Variants in PCNX2 observed in about 807,000 individuals in gnomAD.
PCNX2 encodes the protein pecanex-like protein 2.
Under a neutral mutation model 223.8 loss-of-function variants are expected in PCNX2, and 168 were observed. That is an observed-to-expected ratio of 0.75 (90% CI 0.66 to 0.85). The LOEUF (loss-of-function observed/expected upper bound fraction) is 0.85. PCNX2 is among the 40% of genes least tolerant of loss of function. PCNX2 has a pLI of 0.00. For synonymous variants in PCNX2, 1,006 were observed against 1,052.6 expected (o/e 0.96, Z 0.86); for missense variants, 2,507 against 2,675.5 (o/e 0.94, Z 1.39).
rs546312208 is a variant in PCNX2 at position 233,012,064 on chromosome 1, G to T, written c.4952+2601C>A. Among the ~76,000 whole-genome samples, 15 of 152,252 alleles carry T rather than the reference G, an allele frequency of 9.9e-5. No individual in the cohort carries two copies. In the South Asian group the frequency reaches 2.9e-3, roughly 29 times the overall value. On this transcript the variant is annotated intron_variant, in intron 28 of 33. Coordinates refer to ENST00000258229, the MANE Select transcript of PCNX2 (RefSeq NM_014801.4). ...GAGGACAGTTCACCACAGAAGTGGT[G>T]CTTGCTTGCAGGAAGAAATCCCACA...
intron 10 of PCNX2, among the ~76,000 whole-genome samples, chr1:233,220,692 TA>T: frequency 6.6e-6 from 1 of 152,224 alleles, no homozygotes; most frequent in East Asian, 1.9e-4. Context: ...CTTCGTTTTT[TA>T]AAATATTTTC....
the PCNX2 span, among the ~76,000 whole-genome samples, chr1:233,326,116 A>C: frequency 6.6e-6 from 1 of 152,240 alleles, no homozygotes; most frequent in Non-Finnish European, 1.5e-5. Flanking sequence ...AAAGTACTTA[A>C]AATTAAGGTA....
intron 15 of PCNX2, among the ~76,000 whole-genome samples, chr1:233,179,437 C>T (rs1349351901): frequency 6.6e-6 from 1 of 152,096 alleles, no homozygotes; most frequent in African/African-American, 2.4e-5. Flanking sequence ...TGAAATTAAG[C>T]TTAGAATGTT....
At chr1:233,265,244 TAA>T (rs60756475) in intron 1 of PCNX2, among the ~76,000 whole-genome samples, 2 of 146,578 alleles carry the variant, frequency 1.4e-5, no homozygotes, top group African/African-American at 2.5e-5. Context: ...AGACCCTCTC[TAA>T]AAAAAAAAAA....
chr1:233,100,124 C>T (rs546784350), intron 21 of PCNX2, among the ~76,000 whole-genome samples: 31 of 152,208 alleles, frequency 2.0e-4, no homozygotes, highest in African/African-American at 7.2e-4. Flanking sequence ...AAGAAAATCA[C>T]AATGAGGGCC....
At chr1:233,193,381 A>G (rs1680529679) in intron 15 of PCNX2, among the ~76,000 whole-genome samples, 1 of 152,184 alleles carries the variant, frequency 6.6e-6, no homozygotes, top group East Asian at 1.9e-4. Context: ...TCCTCTAGAT[A>G]AAGTTTTCAA....
chr1:233,322,397 C>G, the PCNX2 span, among the ~76,000 whole-genome samples: 2 of 151,992 alleles, frequency 1.3e-5, no homozygotes, highest in Admixed American at 1.3e-4. Context: ...AAAATAGCAC[C>G]GAAGCAACAA....
At chr1:233,067,787 T>A (rs910118314) in intron 23 of PCNX2, among the ~76,000 whole-genome samples, 1 of 152,070 alleles carries the variant, frequency 6.6e-6, no homozygotes, top group Admixed American at 6.6e-5. Flanking sequence ...ACTAAAATTT[T>A]AAAAATAAAG....
rs758367318 is a variant in PCNX2, at chr1:233,258,433, T to G, written c.1429A>C (p.Asn477His). The change falls in exon 5 of 34, where the codon AAT becomes CAT. Residue 477 changes from asparagine to histidine, a missense_variant. Asn to His is a moderately conservative substitution (Grantham distance 68, BLOSUM62 1). Transcript: ENST00000258229. Reference protein sequence around the residue: ...CSGYGSGEGGNAIKDHSSSSR... With the variant: ...CSGYGSGEGGHAIKDHSSSSR... The stretch of plus-strand genomic sequence containing the variant: ...GAAGAACTGTGATCCTTGATGGCAT[T>G]TCCCCCCTCCCCAGATCCGTAGCCA... The G allele has an allele frequency of 6.2e-7, 1 of 1,613,888 alleles. No homozygotes were observed. The highest frequency in any genetic ancestry group is 8.5e-7 in the Non-Finnish European group (1 of 1,179,858).
chr1:233,158,885 G>C (rs937138895), intron 19 of PCNX2, among the ~76,000 whole-genome samples: 13 of 152,070 alleles, frequency 8.5e-5, no homozygotes, highest in African/African-American at 2.4e-4. Context: ...TTTTCATCAG[G>C]GTCCTCTATG....
At chr1:233,207,177 G>A (rs931961626) in intron 13 of PCNX2, among the ~76,000 whole-genome samples, 3 of 152,070 alleles carry the variant, frequency 2.0e-5, no homozygotes, top group African/African-American at 7.2e-5. Context: ...GAAGAGGAAC[G>A]GGAAGCCAGA....
chr1:233,258,547 C>A lies in PCNX2; in HGVS notation c.1315G>T (p.Gly439Trp), dbSNP rs376059360. The change falls in exon 5 of 34, where the codon GGG (glycine) becomes TGG (tryptophan). Residue 439 changes from glycine (G) to tryptophan (W), a missense_variant. By Grantham distance (184) the Gly-to-Trp change is radical. Coordinates refer to ENST00000258229, the MANE Select transcript of PCNX2 (RefSeq NM_014801.4). ...PVITLDLPEG[G>W]GGGVPCPEGN... ...TCGGGACAGGGAACACCTCCTCCCC[C>A]ACCCTCAGGCAGGTCCAGGGTGATT... The A allele has an allele frequency of 1.2e-6, 2 of 1,613,914 alleles. No individual in the cohort carries two copies. The highest frequency in any genetic ancestry group is 1.3e-5 in the African/African-American group (1 of 74,942).
intron 25 of PCNX2, among the ~76,000 whole-genome samples, chr1:233,029,469 A>G (rs1671193210): frequency 6.6e-6 from 1 of 152,156 alleles, no homozygotes; most frequent in Admixed American, 6.5e-5. Flanking sequence ...CTTTGCTCAC[A>G]TATTTGCCAT....
chr1:233,258,986 C>A lies in PCNX2; in HGVS notation c.876G>T (p.Arg292=). ...TTTGTACCCGTTCCCTTATGGAGCC[C>A]CGGGGACAACTGACAGGTTCTGGAA... ...VLIPEPVSCP[R]GSIRERVQSK... is the part of the protein sequence containing the mutation. The change falls in exon 5 of 34, where the codon CGG becomes CGT. Residue 292 remains arginine, a synonymous_variant. Coordinates refer to ENST00000258229, the MANE Select transcript of PCNX2 (RefSeq NM_014801.4). 1 of 1,613,882 alleles carries A rather than the reference C, an allele frequency of 6.2e-7. No individual in the cohort carries two copies.
Position 232,986,336 on chromosome 1 carries a change from G to A in PCNX2, c.5996C>T (p.Pro1999Leu), listed in dbSNP as rs753819548. Reference protein sequence around the residue: ...ASATSLHSQPPPVTTTGHLSV... With the variant: ...ASATSLHSQPLPVTTTGHLSV... ...CAGGTGGCCGGTGGTGGTGACGGGC[G>A]GGGGCTGAGAGTGCAGGGACGTGGC... Residue 1999 changes from proline (P) to leucine (L), a missense_variant, in exon 33 of 34, where the codon CCG (proline) becomes CTG (leucine). Physicochemically the swap from Pro to Leu is moderately conservative, Grantham distance 98. Coordinates refer to ENST00000258229, the MANE Select transcript of PCNX2 (RefSeq NM_014801.4). The A allele has an allele frequency of 6.3e-6, 10 of 1,595,662 alleles. No individual in the cohort carries two copies. The highest frequency in any genetic ancestry group is 3.5e-5 in the Admixed American group (2 of 57,420).
At chr1:233,057,468 A>C in intron 23 of PCNX2, 178 bp from the exon 24 acceptor site, 1 of 593,108 alleles carries the variant, frequency 1.7e-6, no homozygotes, top group Non-Finnish European at 3.1e-6. Flanking sequence ...TAAGAGATAG[A>C]GGGAGCAGTA....
At chr1:233,277,156 C>T (rs977927888) in intron 1 of PCNX2, among the ~76,000 whole-genome samples, 1 of 152,048 alleles carries the variant, frequency 6.6e-6, no homozygotes, top group Non-Finnish European at 1.5e-5. Context: ...GGTGGGAGGG[C>T]AGAAAAGAAG....
chr1:232,984,851 C>T (rs1296712821), intron 33 of PCNX2: 4 of 174,600 alleles, frequency 2.3e-5, no homozygotes, highest in African/African-American at 4.7e-5. Context: ...CCCAGTAGAA[C>T]ACAGAGGCCA....
chr1:233,309,748 G>A, the PCNX2 span, among the ~76,000 whole-genome samples: 1 of 151,594 alleles, frequency 6.6e-6, no homozygotes, highest in Non-Finnish European at 1.5e-5. Context: ...CATGGTGGTG[G>A]GCGCCTGTAG....
Sources: gnomAD v4.1 joint callset for allele counts (sites outside exome capture counted in the v4.1 genomes callset) on GRCh38, gnomAD v4.1.1 for gene constraint, MANE v1.5 for transcripts, NCBI Gene and HGNC (gene_info 2026-07-23, HGNC 2026-07-21) for gene names.